Variants in LAMA3 observed in about 807,000 individuals in gnomAD.
LAMA3 encodes the protein laminin subunit alpha 3.
Under a neutral mutation model 402.0 loss-of-function variants are expected in LAMA3, and 281 were observed. The observed-to-expected ratio is 0.70, with a 90% CI of 0.63 to 0.77. The LOEUF (loss-of-function observed/expected upper bound fraction) is 0.77, where lower values mean the gene tolerates loss of function less well. Ranked by LOEUF, LAMA3 falls within the 30% of genes least tolerant of loss-of-function variation. The pLI is 0.00. For synonymous variants in LAMA3, 1,431 were observed against 1,558.4 expected, an observed-to-expected ratio of 0.92 and a Z score of 1.93; for missense variants, 3,840 against 4,215.5, an observed-to-expected ratio of 0.91 and a Z score of 2.47.
chr18:23,773,669 A>G, intron 9 of LAMA3, 82 bp downstream of exon 9: 1 of 854,044 alleles, frequency 1.2e-6, no homozygotes, highest in Non-Finnish European at 2.0e-6. Context: ...GGATCAGTTA[A>G]TAACTTCCTT....
Position 23,749,538 on chromosome 18 carries a change from A to G in LAMA3, c.676A>G (p.Asn226Asp). ...TEYSRIVPLE[N>D]GEVVVSLING... Reference sequence around the variant, plus strand: ...ATATTCCCGTATTGTACCTTTGGAAAATGGTGAGGTAAGTAGATTTGGAAG... The same window carrying G: ...ATATTCCCGTATTGTACCTTTGGAAGATGGTGAGGTAAGTAGATTTGGAAG... Residue 226 changes from asparagine (N) to aspartate (D), a missense_variant, in exon 4 of 75, where the codon AAT becomes GAT. This residue lies in a region of LAMA3 where 2,109 missense variants were observed against 2,376.0 expected (regional missense o/e 0.89). Transcript: ENST00000313654. 1 of 1,568,528 alleles carries G rather than the reference A, an allele frequency of 6.4e-7. No individual in the cohort carries two copies. Among genetic ancestry groups the G allele is most frequent in the South Asian group, 1.1e-5 (1 of 90,142 alleles).
At chr18:23,729,823 C>T (rs2061360747) in intron 2 of LAMA3, among the ~76,000 whole-genome samples, 1 of 152,232 alleles carries the variant, frequency 6.6e-6, no homozygotes, top group East Asian at 1.9e-4. Flanking sequence ...CCGGGATTTG[C>T]TCCCCCAAGT....
At chr18:23,860,256 CTTTTCTT>C (rs2064184333) in intron 34 of LAMA3, among the ~76,000 whole-genome samples, 1 of 114,764 alleles carries the variant, frequency 8.7e-6, no homozygotes, top group African/African-American at 3.0e-5. Context: ...GGTCACTTTT[CTTTTCTT>C]TTTTTTTTTT....
chr18:23,759,797 G>A (rs951111876), intron 7 of LAMA3, among the ~76,000 whole-genome samples: 4 of 152,332 alleles, frequency 2.6e-5, no homozygotes, highest in African/African-American at 9.6e-5. Context: ...TTCCAAGGGA[G>A]TTTTGAGAGA....
At chr18:23,873,904 ATTCGT>A (rs1335684670) in intron 38 of LAMA3, among the ~76,000 whole-genome samples, 1 of 152,236 alleles carries the variant, frequency 6.6e-6, no homozygotes, top group African/African-American at 2.4e-5. Context: ...ATTAGAACAC[ATTCGT>A]TTTCATTTAA....
chr18:23,945,229 G>T (rs899347612), intron 69 of LAMA3, among the ~76,000 whole-genome samples: 1 of 152,262 alleles, frequency 6.6e-6, no homozygotes, highest in Non-Finnish European at 1.5e-5. Context: ...AAGAGTAGCA[G>T]CAGGGGGCCC....
intron 2 of LAMA3, among the ~76,000 whole-genome samples, chr18:23,737,208 G>C (rs531583567): frequency 2.7e-4 from 41 of 152,224 alleles, no homozygotes; most frequent in African/African-American, 9.1e-4. Context: ...TCCCTTCTGG[G>C]GTAGGCTGCC....
rs1221652000 is a variant in LAMA3, at chr18:23,928,641, C to A, written c.8312C>A (p.Ser2771Ter). 1 of 1,613,956 alleles carries A rather than the reference C, an allele frequency of 6.2e-7. No individual in the cohort carries two copies. Among genetic ancestry groups the A allele is most frequent in the African/African-American group, 1.3e-5 (1 of 74,932 alleles). Residue 2771 changes from serine (S) to a stop codon, truncating the protein, a stop_gained, in exon 64 of 75, where the codon TCA becomes TAA. Transcript: ENST00000313654. LOFTEE classifies it high-confidence loss of function. ...SEDWKLVRSA[S>*]FSRGGQLSFT... ...GCATTTCAGCTTGTGCGATCTGCCT[C>A]ATTCTCCAGAGGAGGACAATTGAGT...
At chr18:23,872,767 G>A (rs1598968104) in intron 38 of LAMA3, 10 of 473,544 alleles carry the variant, frequency 2.1e-5, no homozygotes, top group East Asian at 2.0e-4. Flanking sequence ...TTCCCTGCCC[G>A]TGACTCAGCC....
At chr18:23,799,071 C>T (rs899107125) in intron 12 of LAMA3, among the ~76,000 whole-genome samples, 1 of 152,204 alleles carries the variant, frequency 6.6e-6, no homozygotes, top group African/African-American at 2.4e-5. Flanking sequence ...TAACAACCAG[C>T]TATTTGGCAG....
chr18:23,779,054 A>G (rs920519648), intron 11 of LAMA3, among the ~76,000 whole-genome samples: 1 of 152,166 alleles, frequency 6.6e-6, no homozygotes, highest in East Asian at 1.9e-4. Flanking sequence ...CCCTGGGCCA[A>G]GGGTGTTCAG....
intron 2 of LAMA3, among the ~76,000 whole-genome samples, chr18:23,737,553 C>T (rs1433065839): frequency 2.6e-5 from 4 of 152,240 alleles, no homozygotes; most frequent in Non-Finnish European, 5.9e-5. Flanking sequence ...GAAGTTCTGA[C>T]ATCCTGATCC....
At chr18:23,763,648 C>T (rs1326649983) in intron 8 of LAMA3, 125 bp downstream of exon 8, 4 of 762,400 alleles carry the variant, frequency 5.2e-6, no homozygotes, top group Admixed American at 1.7e-5. Context: ...GACCATTTCT[C>T]CACTGTTGCT....
rs370421768 is a variant in LAMA3, at chr18:23,879,352, C to T, written c.5113-2584C>T. ...AGACTGAGGTTCTGCACGCTGTGTCCCCTGTGCCTGGAATGCCCTTCCCTC... is the reference window on the plus strand; with the variant it reads ...AGACTGAGGTTCTGCACGCTGTGTCTCCTGTGCCTGGAATGCCCTTCCCTC... On this transcript the variant is annotated intron_variant, in intron 39 of 74. Transcript: ENST00000313654. This position sits in a 1 kb window ranked among gnomAD's most constrained non-coding sequence, Gnocchi z 4.2. Among the ~76,000 whole-genome samples the T allele has an allele frequency of 8.3e-4, 126 of 152,246 alleles. 4 individuals are homozygous for T. In the South Asian group the frequency reaches 0.025, roughly 30 times the overall value.
chr18:23,917,753 T>G (rs1479003113), intron 60 of LAMA3, among the ~76,000 whole-genome samples: 1 of 152,242 alleles, frequency 6.6e-6, no homozygotes, highest in Non-Finnish European at 1.5e-5. Flanking sequence ...TTCTGGATAT[T>G]AGACCTTTTT....
intron 38 of LAMA3, chr18:23,872,825 G>A (rs2064567464): frequency 1.7e-6 from 1 of 571,510 alleles, no homozygotes; most frequent in Non-Finnish European, 3.1e-6. Context: ...GGTGATGCCC[G>A]CCCCACCTCA....
At chr18:23,829,991 C>T (rs529846052) in intron 23 of LAMA3, among the ~76,000 whole-genome samples, 5 of 152,274 alleles carry the variant, frequency 3.3e-5, no homozygotes, top group East Asian at 1.9e-4. Flanking sequence ...TCGATCTGGC[C>T]GCTGTCTCCT....
chr18:23,744,064 C>T (rs989369869), intron 2 of LAMA3, among the ~76,000 whole-genome samples: 1 of 152,108 alleles, frequency 6.6e-6, no homozygotes, highest in Middle Eastern at 3.2e-3. Context: ...TTAAAATTAC[C>T]AACCAAAACA....
chr18:23,943,744 C>T (rs777989649), intron 68 of LAMA3, 44 bp from the exon 69 acceptor site: 47 of 1,587,940 alleles, frequency 3.0e-5, no homozygotes, highest in South Asian at 4.4e-5. Flanking sequence ...TTCGAAGGAA[C>T]GCTGAACACC....
Sources: gnomAD v4.1 joint callset for allele counts (sites outside exome capture counted in the v4.1 genomes callset) on GRCh38, gnomAD v4.1.1 for gene constraint, gnomAD v4.1.1 regional missense constraint, Gnocchi (gnomAD v3.1) non-coding constraint, MANE v1.5 for transcripts, NCBI Gene and HGNC (gene_info 2026-07-23, HGNC 2026-07-21) for gene names.